The following RAB11FIP3 variants were observed in gnomAD, a reference collection of about 807,000 sequenced individuals.
RAB11FIP3 encodes the protein RAB11 family interacting protein 3.
A neutral mutation model predicts 77.8 loss-of-function variants in RAB11FIP3; 17 were observed. The ratio of observed to expected loss-of-function variants is 0.22; its 90% CI spans 0.15 to 0.33. The LOEUF is 0.33. RAB11FIP3 is among the 10% of genes least tolerant of loss of function. RAB11FIP3 has a pLI of 1.00. For synonymous variants in RAB11FIP3, 437 were observed against 448.2 expected (o/e 0.98, Z 0.31); for missense variants, 1,005 against 1,011.2 (o/e 0.99, Z 0.08).
intron 3 of RAB11FIP3, 106 bp from the exon 4 acceptor site, chr16:482,419 C>T: frequency 1.9e-6 from 2 of 1,052,106 alleles, no homozygotes. Flanking sequence ...CGTCAGACCC[C>T]TCCCTCCACA....
Position 493,972 on chromosome 16 carries a change from C to T in RAB11FIP3, c.1266-2852C>T, listed in dbSNP as rs916710413. On this transcript the variant is annotated intron_variant, in intron 5 of 13. Coordinates refer to ENST00000262305, the MANE Select transcript of RAB11FIP3 (RefSeq NM_014700.4). ...AGGCTGGAGTGCGGTGGTGCGATCT[C>T]GGCTCACTGCAACCTCTGCCTCCCG... 2.1e-5 allele frequency among the ~76,000 whole-genome samples: 3 copies of T among 140,496 alleles called. 1 individual carries two copies. The highest frequency in any genetic ancestry group is 5.5e-5 in the African/African-American group (2 of 36,594). 92.2% of individuals were successfully genotyped at this position (140,496 alleles called of 152,430 possible).
chr16:492,423 C>T lies in RAB11FIP3; in HGVS notation c.1265+3423C>T, dbSNP rs1484188474. Among the ~76,000 whole-genome samples, 36 of 132,046 alleles carry T rather than the reference C, an allele frequency of 2.7e-4. 1 individual carries two copies. Among genetic ancestry groups the T allele is most frequent in the African/African-American group, 1.1e-3 (34 of 31,284 alleles). 86.6% of individuals were successfully genotyped at this position (132,046 alleles called of 152,430 possible). ...GGGAGACCCGAGGCCGCCCAGGGCCCTCCCCGGGAGACCCGAGGCCGCCCA... is the reference window on the plus strand; with the variant it reads ...GGGAGACCCGAGGCCGCCCAGGGCCTTCCCCGGGAGACCCGAGGCCGCCCA... On this transcript the variant is annotated intron_variant, in intron 5 of 13. Transcript: ENST00000262305.
intron 2 of RAB11FIP3, among the ~76,000 whole-genome samples, chr16:467,736 G>A (rs1186527016): frequency 1.5e-5 from 1 of 64,676 alleles, no homozygotes; most frequent in African/African-American, 5.8e-5. Context: ...CAGGGAGGAG[G>A]TGCAGGGGCC....
intron 4 of RAB11FIP3, among the ~76,000 whole-genome samples, chr16:484,610 C>T (rs1039803164): frequency 1.3e-5 from 2 of 152,228 alleles, no homozygotes; most frequent in African/African-American, 4.8e-5. Flanking sequence ...GCCTCGGCCT[C>T]CCGAAGTGCT....
At chr16:437,855 C>T (rs575815077) in intron 1 of RAB11FIP3, among the ~76,000 whole-genome samples, 2 of 151,144 alleles carry the variant, frequency 1.3e-5, no homozygotes, top group East Asian at 4.1e-4. Flanking sequence ...TGCAATGGCA[C>T]GATCTTGGCT....
At chr16:519,349 C>T (rs1165160831) in intron 10 of RAB11FIP3, among the ~76,000 whole-genome samples, 1 of 152,236 alleles carries the variant, frequency 6.6e-6, no homozygotes, top group African/African-American at 2.4e-5. Context: ...CACACCCCAG[C>T]TTGTCACTGC....
Position 433,895 on chromosome 16 carries a change from T to C in RAB11FIP3, c.714+7175T>C, listed in dbSNP as rs139307379. On this transcript the variant is annotated intron_variant, in intron 1 of 13. Transcript: ENST00000262305. The stretch of plus-strand genomic sequence containing the variant: ...AAAGTACTCCATTGTGTATCTATAT[T>C]ACATTTTCTTTATCCATTCAACTGT... Among the ~76,000 whole-genome samples the C allele has an allele frequency of 6.0e-3, 907 of 152,046 alleles. 9 individuals are homozygous for C. Among genetic ancestry groups the C allele is most frequent in the African/African-American group, 0.021 (860 of 41,492 alleles).
intron 1 of RAB11FIP3, among the ~76,000 whole-genome samples, chr16:435,644 G>A (rs1308110632): frequency 3.3e-5 from 5 of 152,138 alleles, no homozygotes; most frequent in Non-Finnish European, 1.5e-5. Flanking sequence ...TTTATTTGAG[G>A]TATTGGCTAT....
chr16:472,856 C>T lies in RAB11FIP3; in HGVS notation c.903+1467C>T, dbSNP rs74003904. On this transcript the variant is annotated intron_variant, in intron 3 of 13. Transcript: ENST00000262305. The surrounding 1 kb of genome is among the most constrained non-coding windows in gnomAD (Gnocchi z 4.1). ...TTAAGGATCTCAAGGTGATATCATG[C>T]TGGTTTGGGCCCTAAATCCAGTGAC... 0.012 allele frequency among the ~76,000 whole-genome samples: 1,844 copies of T among 152,230 alleles called. 28 individuals are homozygous for T. Among genetic ancestry groups the T allele is most frequent in the African/African-American group, 0.042 (1,740 of 41,544 alleles).
In RAB11FIP3 at chr16:426,090, G is replaced by A. The variant is rs1200678993; in HGVS notation, c.84G>A (p.Gly28=). Residue 28 remains glycine (G), a synonymous_variant, in exon 1 of 14, where the codon GGG becomes GGA. Transcript: ENST00000262305. This position sits in a 1 kb window ranked among gnomAD's most constrained non-coding sequence, Gnocchi z 5.0. ...AGCCGGGCGGGCCGGACGGGCCGGGGGCGGCACAACTGGCTCCGGGCCCTG... is the reference window on the plus strand; with the variant it reads ...AGCCGGGCGGGCCGGACGGGCCGGGAGCGGCACAACTGGCTCCGGGCCCTG... ...DPEPGGPDGP[G]AAQLAPGPAE... 9 of 1,004,278 alleles carry A rather than the reference G, an allele frequency of 9.0e-6. No homozygotes were observed. Among genetic ancestry groups the A allele is most frequent in the Non-Finnish European group, 1.1e-5 (9 of 844,070 alleles). The allele number at this position is 1,004,278 out of a possible 1,614,324, so 62.2% of individuals were successfully genotyped here.
At chr16:490,705 T>C (rs956311893) in intron 5 of RAB11FIP3, among the ~76,000 whole-genome samples, 1 of 152,224 alleles carries the variant, frequency 6.6e-6, no homozygotes, top group Non-Finnish European at 1.5e-5. Flanking sequence ...GTTTTTGGAG[T>C]AATCATAAAT....
chr16:435,572 G>A (rs898873652), intron 1 of RAB11FIP3, among the ~76,000 whole-genome samples: 1 of 152,182 alleles, frequency 6.6e-6, no homozygotes, highest in South Asian at 2.1e-4. Context: ...AATATTAAAA[G>A]TGCTTTTAGT....
intron 1 of RAB11FIP3, among the ~76,000 whole-genome samples, chr16:440,191 CA>C (rs2055201956): frequency 6.6e-6 from 1 of 151,962 alleles, no homozygotes; most frequent in Non-Finnish European, 1.5e-5. Flanking sequence ...TCTTTTGAGA[CA>C]GGGTCTCATT....
intron 2 of RAB11FIP3, among the ~76,000 whole-genome samples, chr16:466,922 T>G (rs3785301): frequency 0.57 from 86,234 of 151,908 alleles, 24,641 homozygotes; most frequent in Middle Eastern, 0.65. Flanking sequence ...CTCACTGCAT[T>G]AGAGCTTGAG....
At chr16:432,266 A>G (rs945441447) in intron 1 of RAB11FIP3, among the ~76,000 whole-genome samples, 1 of 152,112 alleles carries the variant, frequency 6.6e-6, no homozygotes, top group Admixed American at 6.5e-5. Flanking sequence ...AATCCCAGGT[A>G]CTTCAGAGGT....
chr16:473,765 C>T (rs557552449), intron 3 of RAB11FIP3, among the ~76,000 whole-genome samples: 14 of 152,164 alleles, frequency 9.2e-5, no homozygotes, highest in African/African-American at 2.9e-4. Flanking sequence ...AGCCAAAGTC[C>T]GTAGTTGAGG....
chr16:488,306 G>A (rs1194487094), intron 4 of RAB11FIP3, among the ~76,000 whole-genome samples: 1 of 152,184 alleles, frequency 6.6e-6, no homozygotes, highest in Non-Finnish European at 1.5e-5. Context: ...CGTGAACCCG[G>A]GAGGCGGAGC....
At chr16:439,970 A>G (rs1013530302) in intron 1 of RAB11FIP3, among the ~76,000 whole-genome samples, 1 of 151,626 alleles carries the variant, frequency 6.6e-6, no homozygotes, top group Non-Finnish European at 1.5e-5. Context: ...CAGCCTCCTG[A>G]GTAGCTGGGA....
At chr16:495,560 C>G (rs2141829835) in intron 5 of RAB11FIP3, among the ~76,000 whole-genome samples, 1 of 152,306 alleles carries the variant, frequency 6.6e-6, no homozygotes, top group East Asian at 1.9e-4. Flanking sequence ...AGAGAGTGGT[C>G]AGAACCAGGA....
Sources: gnomAD v4.1 joint callset for allele counts (sites outside exome capture counted in the v4.1 genomes callset) on GRCh38, gnomAD v4.1.1 for gene constraint, Gnocchi (gnomAD v3.1) non-coding constraint, MANE v1.5 for transcripts, NCBI Gene and HGNC (gene_info 2026-07-23, HGNC 2026-07-21) for gene names.